Variants in CDC42BPA observed in about 807,000 individuals in gnomAD.
CDC42BPA encodes serine/threonine-protein kinase MRCK alpha.
A neutral mutation model predicts 223.5 loss-of-function variants in CDC42BPA; 80 were observed. The ratio of observed to expected loss-of-function variants is 0.36; its 90% CI spans 0.30 to 0.43. The LOEUF (loss-of-function observed/expected upper bound fraction) is 0.43. Among genes scored for constraint, CDC42BPA ranks in the 20% least tolerant of loss-of-function variants. The pLI is 1.00. For synonymous variants in CDC42BPA, 694 were observed against 718.6 expected (o/e 0.97, Z 0.55); for missense variants, 1,743 against 2,099.9 (o/e 0.83, Z 3.32).
chr1:227,026,168 G>T lies in CDC42BPA; in HGVS notation c.4433-16C>A, dbSNP rs187070443. 1.8e-3 allele frequency: 2,482 copies of T among 1,416,384 alleles called. 15 individuals are homozygous for T. Among genetic ancestry groups the T allele is most frequent in the African/African-American group, 8.8e-3 (617 of 69,838 alleles). 87.7% of individuals were successfully genotyped at this position (1,416,384 alleles called of 1,614,324 possible). ...GCATTGTAACCTGGGAGAAGGGAAG[G>T]GGGGGCAGCTTGCGGATTACTTTTA... On this transcript the variant is annotated splice_polypyrimidine_tract_variant and intron_variant, in intron 30 of 36. Coordinates refer to ENST00000366766, the MANE Select transcript of CDC42BPA (RefSeq NM_001394014.1).
At chr1:227,283,629 G>A (rs1572852511) in intron 1 of CDC42BPA, among the ~76,000 whole-genome samples, 2 of 152,180 alleles carry the variant, frequency 1.3e-5, no homozygotes, top group East Asian at 3.8e-4. Context: ...AAGGAAAGAG[G>A]ACAGAAGTAC....
intron 10 of CDC42BPA, among the ~76,000 whole-genome samples, chr1:227,138,755 A>C (rs1413598219): frequency 2.0e-5 from 3 of 152,122 alleles, no homozygotes; most frequent in Non-Finnish European, 4.4e-5. Flanking sequence ...CTTCAGCTGG[A>C]TAGTTGAAGA....
At chr1:227,314,674 T>C (rs1694076305) in intron 1 of CDC42BPA, among the ~76,000 whole-genome samples, 1 of 151,668 alleles carries the variant, frequency 6.6e-6, no homozygotes, top group Non-Finnish European at 1.5e-5. Context: ...TAGCTGACAC[T>C]TTCATTAATA....
intron 7 of CDC42BPA, 71 bp from the exon 8 acceptor site, chr1:227,145,808 A>G: frequency 3.3e-6 from 4 of 1,221,974 alleles, no homozygotes; most frequent in African/African-American, 1.5e-5. Context: ...TGACTTATTT[A>G]TTTTCTTAAA....
intron 15 of CDC42BPA, 22 bp from the exon 16 acceptor site, chr1:227,092,013 A>C: frequency 7.5e-7 from 1 of 1,327,168 alleles, no homozygotes; most frequent in East Asian, 2.3e-5. Flanking sequence ...CAAAACACAA[A>C]AGGAAAAAGG....
At chr1:227,095,210 A>G (rs1305978320) in intron 15 of CDC42BPA, among the ~76,000 whole-genome samples, 3 of 152,158 alleles carry the variant, frequency 2.0e-5, no homozygotes, top group African/African-American at 4.8e-5. Flanking sequence ...AATAACATCT[A>G]TTTGTGTTTC....
intron 5 of CDC42BPA, among the ~76,000 whole-genome samples, chr1:227,181,684 C>T (rs1406585970): frequency 6.6e-6 from 1 of 152,086 alleles, no homozygotes; most frequent in Non-Finnish European, 1.5e-5. Context: ...TCTATGGCAC[C>T]TCTTACCCAA....
chr1:227,287,951 G>A (rs535283967), intron 1 of CDC42BPA, among the ~76,000 whole-genome samples: 3 of 152,296 alleles, frequency 2.0e-5, no homozygotes, highest in African/African-American at 7.2e-5. Context: ...AACACATCCT[G>A]TATGATTCCA....
intron 35 of CDC42BPA, among the ~76,000 whole-genome samples, chr1:226,995,893 A>G (rs911964123): frequency 1.3e-5 from 2 of 152,260 alleles, no homozygotes; most frequent in Non-Finnish European, 2.9e-5. Context: ...TCTAAGGTAC[A>G]GGTTGTGCTT....
chr1:227,067,973 C>G (rs1359555998), intron 21 of CDC42BPA, among the ~76,000 whole-genome samples: 1 of 151,834 alleles, frequency 6.6e-6, no homozygotes, highest in Non-Finnish European at 1.5e-5. Context: ...GAATGTTATG[C>G]CAGGTAGTAA....
Position 227,209,367 on chromosome 1 carries a change from G to T in CDC42BPA, c.354+3769C>A, listed in dbSNP as rs1392715152. On this transcript the variant is annotated intron_variant, in intron 3 of 36. Coordinates refer to ENST00000366766, the MANE Select transcript of CDC42BPA (RefSeq NM_001394014.1). ...CTTTATTTCCTTCTCCTGCCTAATT[G>T]CCCTGGCCAGAACTTCCAACACTAT... Among the ~76,000 whole-genome samples the T allele has an allele frequency of 2.5e-4, 35 of 141,762 alleles. 2 individuals carry two copies. The highest frequency in any genetic ancestry group is 3.4e-3 in the Middle Eastern group (1 of 292). 93.0% of individuals were successfully genotyped at this position (141,762 alleles called of 152,430 possible).
chr1:227,164,477 G>A (rs1664664673), intron 5 of CDC42BPA, among the ~76,000 whole-genome samples: 1 of 151,848 alleles, frequency 6.6e-6, no homozygotes, highest in Non-Finnish European at 1.5e-5. Context: ...TCATCTATAG[G>A]CAACATAGTG....
chr1:227,031,102 G>T (rs943210507), intron 28 of CDC42BPA, among the ~76,000 whole-genome samples, 196 bp downstream of exon 28: 1 of 152,090 alleles, frequency 6.6e-6, no homozygotes, highest in Non-Finnish European at 1.5e-5. Flanking sequence ...CACTTTGAAA[G>T]TGTATTTATA....
chr1:227,160,531 A>G lies in CDC42BPA; in HGVS notation c.693+12T>C. 6.7e-7 allele frequency: 1 copy of G among 1,495,114 alleles called. No individual in the cohort carries two copies. The highest frequency in any genetic ancestry group is 1.1e-5 in the South Asian group (1 of 88,178). The allele number at this position is 1,495,114 out of a possible 1,614,324, so 92.6% of individuals were successfully genotyped here. A position where few individuals can be genotyped will look rare whatever the true frequency, so the allele number is the denominator to read the frequency against. ...CTGTGAACAAAATAATTTAGGATTT[A>G]TCTTTATTTACCGTTCCATCTTCCA... On this transcript the variant is annotated intron_variant, in intron 6 of 36. Transcript: ENST00000366766.
chr1:227,099,533 A>G lies in CDC42BPA; in HGVS notation c.2249+1459T>C, dbSNP rs546116879. On this transcript the variant is annotated intron_variant, in intron 15 of 36. Coordinates refer to ENST00000366766, the MANE Select transcript of CDC42BPA (RefSeq NM_001394014.1). Reference sequence around the variant, plus strand: ...GCAATGCATGACTGTAATTCCCTGCAATAGTTTTACTCAGAATAAGAAACT... The same window carrying G: ...GCAATGCATGACTGTAATTCCCTGCGATAGTTTTACTCAGAATAAGAAACT... 6.0e-4 allele frequency among the ~76,000 whole-genome samples: 91 copies of G among 152,290 alleles called. 1 individual carries two copies. The highest frequency in any genetic ancestry group is 2.2e-3 in the African/African-American group (90 of 41,572).
At chr1:227,035,349 T>A in intron 25 of CDC42BPA, 122 bp downstream of exon 25, 1 of 696,040 alleles carries the variant, frequency 1.4e-6, no homozygotes, top group Non-Finnish European at 2.3e-6. Context: ...AATAAAATTA[T>A]TAGATGAATT....
chr1:227,106,201 A>G (rs1042891347), intron 14 of CDC42BPA, among the ~76,000 whole-genome samples: 1 of 152,106 alleles, frequency 6.6e-6, no homozygotes, highest in African/African-American at 2.4e-5. Flanking sequence ...AGTAATGTTG[A>G]GCATTTTTTA....
chr1:227,031,947 G>A (rs1292351551), intron 27 of CDC42BPA, among the ~76,000 whole-genome samples: 1 of 152,092 alleles, frequency 6.6e-6, no homozygotes, highest in Admixed American at 6.6e-5. Context: ...TGAAAAAAAT[G>A]GTGATGCAAA....
intron 1 of CDC42BPA, among the ~76,000 whole-genome samples, chr1:227,316,172 G>T (rs752896833): frequency 6.6e-6 from 1 of 152,140 alleles, no homozygotes; most frequent in African/African-American, 2.4e-5. Context: ...CGTGCTTATT[G>T]CAACAGTGAA....
Sources: allele counts gnomAD v4.1 joint callset (sites outside exome capture counted in the v4.1 genomes callset), GRCh38; gene constraint gnomAD v4.1.1; transcripts MANE v1.5; gene names NCBI Gene and HGNC (gene_info 2026-07-23, HGNC 2026-07-21).